Variants in CLEC16A observed in about 807,000 individuals in gnomAD.
CLEC16A encodes the protein C-type lectin domain containing 16A, also known as protein CLEC16A.
CLEC16A carries 51 observed loss-of-function variants against 109.5 expected under a neutral mutation model. The observed-to-expected ratio is 0.47, with a 90% CI of 0.37 to 0.59. The LOEUF is 0.59. Among genes scored for constraint, CLEC16A ranks in the 20% least tolerant of loss-of-function variants. The pLI is 0.00. For missense variants in CLEC16A, 1,339 were observed against 1,394.0 expected, an observed-to-expected ratio of 0.96 and a Z score of 0.63; for synonymous variants, 673 against 564.2, an observed-to-expected ratio of 1.19 and a Z score of -2.73.
rs773942336 is a variant in CLEC16A, at chr16:10,979,339, G to A, written c.914G>A (p.Arg305Gln). The change falls in exon 9 of 24, where the codon CGG becomes CAG. Residue 305 changes from arginine (R) to glutamine (Q), a missense_variant. By Grantham distance (43) the Arg-to-Gln change is conservative (BLOSUM62 1). Transcript: ENST00000409790. ...SLENQDKGGE[R>Q]PKISLPVSLY... ...GCCACCCTGCACTAGGGAGGAGAACGGCCGAAAATTAGCCTGCCGGTGTCT... is the reference window on the plus strand; with the variant it reads ...GCCACCCTGCACTAGGGAGGAGAACAGCCGAAAATTAGCCTGCCGGTGTCT... 1.1e-5 allele frequency: 18 copies of A among 1,612,492 alleles called. No individual in the cohort carries two copies. Among genetic ancestry groups the A allele is most frequent in the East Asian group, 1.1e-4 (5 of 44,832 alleles).
intron 7 of CLEC16A, among the ~76,000 whole-genome samples, chr16:10,976,649 C>T (rs1013476970): frequency 1.3e-5 from 2 of 152,206 alleles, no homozygotes; most frequent in Admixed American, 1.3e-4. Context: ...AGCATCCTCA[C>T]CAGCTGTTTC....
intron 18 of CLEC16A, among the ~76,000 whole-genome samples, chr16:11,059,743 G>C (rs1186212684): frequency 2.6e-5 from 4 of 152,188 alleles, no homozygotes; most frequent in Non-Finnish European, 5.9e-5. Flanking sequence ...CAACCCCACT[G>C]TGCTGGCTGC....
intron 10 of CLEC16A, among the ~76,000 whole-genome samples, chr16:11,001,473 G>C (rs1005511716): frequency 1.3e-5 from 2 of 152,182 alleles, no homozygotes; most frequent in East Asian, 1.9e-4. Flanking sequence ...CTTTGGAATT[G>C]GCAAGCCCCA....
At chr16:11,076,310 C>T (rs1425061912) in intron 19 of CLEC16A, among the ~76,000 whole-genome samples, 1 of 152,202 alleles carries the variant, frequency 6.6e-6, no homozygotes, top group Admixed American at 6.5e-5. Flanking sequence ...TGCCCCAAAA[C>T]CCCCACTCTG....
chr16:10,983,775 A>G (rs1196773573), intron 10 of CLEC16A, among the ~76,000 whole-genome samples: 1 of 152,062 alleles, frequency 6.6e-6, no homozygotes, highest in Non-Finnish European at 1.5e-5. Context: ...CAGCATGTCC[A>G]GCATTTGTGC....
chr16:11,147,154 G>A (rs2054097171), intron 22 of CLEC16A, among the ~76,000 whole-genome samples: 1 of 152,144 alleles, frequency 6.6e-6, no homozygotes, highest in Non-Finnish European at 1.5e-5. Context: ...CAATCCCCAA[G>A]GAATGAATAT....
intron 19 of CLEC16A, among the ~76,000 whole-genome samples, chr16:11,102,919 C>A (rs761470595): frequency 1.3e-5 from 2 of 152,140 alleles, no homozygotes; most frequent in African/African-American, 4.8e-5. Context: ...AGAGGGGAGA[C>A]GGCAACAAGC....
intron 11 of CLEC16A, among the ~76,000 whole-genome samples, chr16:11,014,639 T>G (rs997209870): frequency 2.2e-4 from 33 of 152,096 alleles, no homozygotes; most frequent in Non-Finnish European, 4.4e-4. Flanking sequence ...CCCTTCAAAC[T>G]CCAAATAGTA....
At chr16:11,013,589 G>A (rs898751491) in intron 11 of CLEC16A, among the ~76,000 whole-genome samples, 7 of 152,030 alleles carry the variant, frequency 4.6e-5, no homozygotes, top group Non-Finnish European at 7.4e-5. Context: ...ACATGGTGGA[G>A]CCCTGAAAAT....
At chr16:11,058,533 T>C (rs574194627) in intron 18 of CLEC16A, among the ~76,000 whole-genome samples, 66 of 152,056 alleles carry the variant, frequency 4.3e-4, no homozygotes, top group Non-Finnish European at 8.7e-4. Flanking sequence ...CCTTTTTTTT[T>C]TTAATATTTT....
intron 1 of CLEC16A, among the ~76,000 whole-genome samples, chr16:10,950,307 G>C (rs1373175890): frequency 6.6e-6 from 1 of 152,208 alleles, no homozygotes; most frequent in South Asian, 2.1e-4. Context: ...AGCACAGGAC[G>C]TGGCAGATAG....
chr16:11,174,946 C>T lies in CLEC16A; in HGVS notation c.2807-3389C>T, dbSNP rs988083326. Among the ~76,000 whole-genome samples, 19 of 152,244 alleles carry T rather than the reference C, an allele frequency of 1.2e-4. No homozygotes were observed. Among genetic ancestry groups the T allele is most frequent in the Non-Finnish European group, 1.8e-4 (12 of 68,026 alleles). ...GCCATCCCTGCTGCCTCCCCTATGACGCTTCTTCTGTGGTTTCTGATGCGC... is the reference window on the plus strand; with the variant it reads ...GCCATCCCTGCTGCCTCCCCTATGATGCTTCTTCTGTGGTTTCTGATGCGC... On this transcript the variant is annotated intron_variant, in intron 23 of 23. Coordinates refer to ENST00000409790, the MANE Select transcript of CLEC16A (RefSeq NM_015226.3). This position sits in a 1 kb window ranked among gnomAD's most constrained non-coding sequence, Gnocchi z 4.7.
rs1448876878 is a variant in CLEC16A, at chr16:11,178,454, A to T, written c.2926A>T (p.Thr976Ser). The T allele has an allele frequency of 6.2e-7, 1 of 1,613,514 alleles. No homozygotes were observed. Among genetic ancestry groups the T allele is most frequent in the Non-Finnish European group, 8.5e-7 (1 of 1,179,882 alleles). Reference sequence around the variant, plus strand: ...CGTGGCCAGGAGCGCAGCCGTGGAGACAGCCAGCCTGTCCCCCAGCCTCGT... The same window carrying T: ...CGTGGCCAGGAGCGCAGCCGTGGAGTCAGCCAGCCTGTCCCCCAGCCTCGT... ...KNVARSAAVE[T>S]ASLSPSLVPA... Residue 976 changes from threonine to serine, a missense_variant, in exon 24 of 24, where the codon ACA becomes TCA. Transcript: ENST00000409790. The surrounding 1 kb of genome is among the most constrained non-coding windows in gnomAD (Gnocchi z 6.5).
chr16:10,996,774 T>C (rs1011179793), intron 10 of CLEC16A, among the ~76,000 whole-genome samples: 3 of 152,048 alleles, frequency 2.0e-5, no homozygotes, highest in African/African-American at 4.8e-5. Flanking sequence ...CTGTGGGCTC[T>C]GAGAGGCGTG....
At chr16:10,994,063 A>G (rs1414450914) in intron 10 of CLEC16A, among the ~76,000 whole-genome samples, 1 of 152,198 alleles carries the variant, frequency 6.6e-6, no homozygotes, top group East Asian at 1.9e-4. Flanking sequence ...GAGGCCTGTG[A>G]GTGCTGTGAG....
At chr16:11,170,872 G>A (rs1022623282) in intron 23 of CLEC16A, among the ~76,000 whole-genome samples, 17 of 152,354 alleles carry the variant, frequency 1.1e-4, no homozygotes, top group Admixed American at 2.0e-4. Flanking sequence ...GGTGCAGCAG[G>A]TTCTGACAGC....
At chr16:11,020,765 C>T (rs2046052137) in intron 12 of CLEC16A, among the ~76,000 whole-genome samples, 1 of 152,254 alleles carries the variant, frequency 6.6e-6, no homozygotes, top group East Asian at 1.9e-4. Context: ...TTGACTTGGC[C>T]ACATGAGTTG....
In CLEC16A at chr16:11,178,262, G is replaced by A; in HGVS notation, c.2807-73G>A. On this transcript the variant is annotated intron_variant, in intron 23 of 23. Coordinates refer to ENST00000409790, the MANE Select transcript of CLEC16A (RefSeq NM_015226.3). The surrounding 1 kb of genome is among the most constrained non-coding windows in gnomAD (Gnocchi z 6.5). ...GCTCACCAGGGCCGCGGTTCAGGAT[G>A]GGAGCACAGGGCGCAGTGCGACGGG... 7.3e-7 allele frequency: 1 copy of A among 1,370,428 alleles called. No homozygotes were observed. Among genetic ancestry groups the A allele is most frequent in the Non-Finnish European group, 1.0e-6 (1 of 984,532 alleles). 84.9% of individuals were successfully genotyped at this position (1,370,428 alleles called of 1,614,324 possible).
intron 17 of CLEC16A, chr16:11,048,313 C>T (rs939384707): frequency 1.3e-5 from 2 of 152,262 alleles, no homozygotes; most frequent in African/African-American, 2.4e-5. Context: ...CTTCCTCCTC[C>T]CGCAGGCAGA....
Sources: gnomAD v4.1 joint callset for allele counts (sites outside exome capture counted in the v4.1 genomes callset) on GRCh38, gnomAD v4.1.1 for gene constraint, Gnocchi (gnomAD v3.1) non-coding constraint, MANE v1.5 for transcripts, NCBI Gene and HGNC (gene_info 2026-07-23, HGNC 2026-07-21) for gene names.